SETD1A: variants seen among roughly 807,000 people sequenced by gnomAD.
The protein encoded by SETD1A is SET domain containing 1A, histone lysine methyltransferase.
SETD1A carries 29 observed loss-of-function variants against 149.9 expected under a neutral mutation model. The ratio of observed to expected loss-of-function variants is 0.19; its 90% CI spans 0.14 to 0.26. The LOEUF (loss-of-function observed/expected upper bound fraction) is 0.26. SETD1A is among the 10% of genes least tolerant of loss of function. The probability of loss-of-function intolerance (pLI) is 1.00; values close to 1 mark genes in which losing one functional copy is unlikely to be tolerated. For missense variants in SETD1A, 2,109 were observed against 2,353.1 expected (o/e 0.90, Z 2.15); for synonymous variants, 1,141 against 968.5 (o/e 1.18, Z -3.31).
chr16:30,959,284 T>C (rs1567348500), intron 3 of SETD1A, 98 bp downstream of exon 3: 4 of 848,848 alleles, frequency 4.7e-6, no homozygotes, highest in Middle Eastern at 2.2e-4. Context: ...AATGAAAGGA[T>C]CTCAGCCAGA....
Position 30,969,345 on chromosome 16 carries a change from G to A in SETD1A, c.2811G>A (p.Pro937=), listed in dbSNP as rs771266071. ...AGGAGGCTGGAGAGCCAGGACGTCC[G>A]GGGACCAAGCCCCCGAAGCGGGACG... ...QEKEAGEPGR[P]GTKPPKRDEE... Residue 937 remains proline (P), a synonymous_variant, in exon 11 of 19, where the codon CCG becomes CCA. Coordinates refer to ENST00000262519, the MANE Select transcript of SETD1A (RefSeq NM_014712.3). The A allele has an allele frequency of 7.4e-6, 12 of 1,614,070 alleles. No individual in the cohort carries two copies. The highest frequency in any genetic ancestry group is 2.2e-5 in the East Asian group (1 of 44,886).
In SETD1A at chr16:30,979,972, T is replaced by A. The variant is rs1446386668; in HGVS notation, c.4186T>A (p.Ser1396Thr). The part of the protein sequence containing the change: ...EGALRRRSLR[S>T]HARRRRPPPP... The stretch of plus-strand genomic sequence containing the variant: ...CGCCCTCCGGAGGCGCAGCCTCCGC[T>A]CCCACGCCCGGCGCCGCCGCCCTCC... Residue 1396 changes from serine to threonine, a missense_variant, in exon 14 of 19, where the codon TCC (serine) becomes ACC (threonine). Ser to Thr is a moderately conservative substitution (Grantham distance 58). This residue lies in a region of SETD1A where 832 missense variants were observed against 815.6 expected (regional missense o/e 1.02). Transcript: ENST00000262519. 3 of 1,517,004 alleles carry A rather than the reference T, an allele frequency of 2.0e-6. No individual in the cohort carries two copies. The highest frequency in any genetic ancestry group is 2.1e-5 in the Admixed American group (1 of 46,856). The allele number at this position is 1,517,004 out of a possible 1,614,324, so 94.0% of individuals were successfully genotyped here. A position where few individuals can be genotyped will look rare whatever the true frequency, so the allele number is the denominator to read the frequency against.
chr16:30,982,553 T>C (rs1596696106), intron 17 of SETD1A, among the ~76,000 whole-genome samples: 1 of 149,014 alleles, frequency 6.7e-6, no homozygotes, highest in Admixed American at 6.7e-5. Flanking sequence ...GACGTGTGGC[T>C]GGAGGGAACA....
At position 30,961,477 on chromosome 16, in the gene SETD1A, A is replaced by G; in HGVS notation, c.457A>G (p.Lys153Glu). 6.2e-7 allele frequency: 1 copy of G among 1,614,148 alleles called. No individual in the cohort carries two copies. The highest frequency in any genetic ancestry group is 8.5e-7 in the Non-Finnish European group (1 of 1,180,020). Reference sequence around the variant, plus strand: ...CACTCGGGGCGCCAAGGAAACGGTCAAAAACCTCCACCTTACCTCCGTCAT... The same window carrying G: ...CACTCGGGGCGCCAAGGAAACGGTCGAAAACCTCCACCTTACCTCCGTCAT... ...TSTRGAKETVKNLHLTSVMGN... is the reference protein window; with the variant it reads ...TSTRGAKETVENLHLTSVMGN... The change falls in exon 4 of 19, where the codon AAA (lysine) becomes GAA (glutamate). Residue 153 changes from lysine (K) to glutamate (E), a missense_variant. This residue lies in a region of SETD1A where 62 missense variants were observed against 149.5 expected (regional missense o/e 0.41). Transcript: ENST00000262519. The surrounding 1 kb of genome is among the most constrained non-coding windows in gnomAD (Gnocchi z 4.0).
chr16:30,960,723 T>A (rs1567349383), intron 3 of SETD1A, among the ~76,000 whole-genome samples: 1 of 138,520 alleles, frequency 7.2e-6, no homozygotes, highest in Non-Finnish European at 1.6e-5. Context: ...CATTTCTTTC[T>A]TTCTTTCTTT....
chr16:30,982,095 G>T (rs961908493), intron 17 of SETD1A, among the ~76,000 whole-genome samples: 3 of 152,198 alleles, frequency 2.0e-5, no homozygotes, highest in Non-Finnish European at 4.4e-5. Flanking sequence ...AAAGGAGCTC[G>T]CAGGCCCAGA....
Position 30,966,984 on chromosome 16 carries a change from G to A in SETD1A, c.2606G>A (p.Ser869Asn). 1 of 1,594,916 alleles carries A rather than the reference G, an allele frequency of 6.3e-7. No homozygotes were observed. Among genetic ancestry groups the A allele is most frequent in the Non-Finnish European group, 8.5e-7 (1 of 1,171,426 alleles). Reference sequence around the variant, plus strand: ...CTGTCCCTCGTGGACTGGGCCAAGAGCGGGGGCACTACGGGCATCGAGGCT... The same window carrying A: ...CTGTCCCTCGTGGACTGGGCCAAGAACGGGGGCACTACGGGCATCGAGGCT... Reference protein sequence around the residue: ...GLLSLVDWAKSGGTTGIEAFA... With the variant: ...GLLSLVDWAKNGGTTGIEAFA... The change falls in exon 9 of 19, where the codon AGC becomes AAC. Residue 869 changes from serine (S) to asparagine (N), a missense_variant. Ser to Asn is a conservative substitution (Grantham distance 46). This residue lies in a region of SETD1A where 832 missense variants were observed against 815.6 expected (regional missense o/e 1.02). Coordinates refer to ENST00000262519, the MANE Select transcript of SETD1A (RefSeq NM_014712.3).
chr16:30,972,539 G>A (rs370278146), intron 13 of SETD1A, among the ~76,000 whole-genome samples: 3 of 152,088 alleles, frequency 2.0e-5, no homozygotes, highest in Middle Eastern at 3.4e-3. Context: ...TCAGGAGGCT[G>A]AGGCAGGAGA....
Position 30,961,677 on chromosome 16 carries a change from T to C in SETD1A, c.517+140T>C. Reference sequence around the variant, plus strand: ...GTTGTGTTTCTGAAATCAGATCAGATTTTAGAGTGGAATTATGGTACATGG... The same window carrying C: ...GTTGTGTTTCTGAAATCAGATCAGACTTTAGAGTGGAATTATGGTACATGG... On this transcript the variant is annotated intron_variant, in intron 4 of 18. Transcript: ENST00000262519. This position sits in a 1 kb window ranked among gnomAD's most constrained non-coding sequence, Gnocchi z 4.0. The C allele has an allele frequency of 1.3e-6, 1 of 770,640 alleles. No individual in the cohort carries two copies. The highest frequency in any genetic ancestry group is 2.1e-6 in the Non-Finnish European group (1 of 482,114). The allele number at this position is 770,640 out of a possible 1,614,324, so 47.7% of individuals were successfully genotyped here.
Position 30,961,633 on chromosome 16 carries a change from T to A in SETD1A, c.517+96T>A. On this transcript the variant is annotated intron_variant, in intron 4 of 18. Transcript: ENST00000262519. This position sits in a 1 kb window ranked among gnomAD's most constrained non-coding sequence, Gnocchi z 4.0. ...GTCAGGCAGGCGCCCAGGGTCATGATCTGAAACTGCTGGGGCCAGTTGTGT... is the reference window on the plus strand; with the variant it reads ...GTCAGGCAGGCGCCCAGGGTCATGAACTGAAACTGCTGGGGCCAGTTGTGT... The A allele has an allele frequency of 8.9e-7, 1 of 1,117,366 alleles. No individual in the cohort carries two copies. The highest frequency in any genetic ancestry group is 1.3e-6 in the Non-Finnish European group (1 of 764,822). 69.2% of individuals were successfully genotyped at this position (1,117,366 alleles called of 1,614,324 possible).
chr16:30,979,800 C>T lies in SETD1A; in HGVS notation c.4014C>T (p.Ala1338=). The change falls in exon 14 of 19, where the codon GCC becomes GCT. Residue 1338 remains alanine, a synonymous_variant. Transcript: ENST00000262519. ...CCCCAGCTGATGAGGTCCTGGAGGC[C>T]CCCGAGGTGGTGGTGGCTGAGGCGG... ...FSSPADEVLE[A]PEVVVAEAEE... is the part of the protein sequence containing the mutation. 1.3e-6 allele frequency: 2 copies of T among 1,576,064 alleles called. No homozygotes were observed. Among genetic ancestry groups the T allele is most frequent in the South Asian group, 2.3e-5 (2 of 88,434 alleles).
At position 30,980,337 on chromosome 16, in the gene SETD1A, C is replaced by T. The variant is rs966739080; in HGVS notation, c.4408+143C>T. On this transcript the variant is annotated intron_variant, in intron 14 of 18. Transcript: ENST00000262519. The surrounding 1 kb of genome is among the most constrained non-coding windows in gnomAD (Gnocchi z 7.7). ...CCTCCTGGTGCCTCTTTTCTGCCTTCCAAAGCATTTCTGGCAGGAACGATG... is the reference window on the plus strand; with the variant it reads ...CCTCCTGGTGCCTCTTTTCTGCCTTTCAAAGCATTTCTGGCAGGAACGATG... The T allele has an allele frequency of 2.0e-4, 283 of 1,443,454 alleles. No individual in the cohort carries two copies. The highest frequency in any genetic ancestry group is 2.2e-4 in the Non-Finnish European group (241 of 1,077,094). The allele number at this position is 1,443,454 out of a possible 1,614,324, so 89.4% of individuals were successfully genotyped here. A position where few individuals can be genotyped will look rare whatever the true frequency, so the allele number is the denominator to read the frequency against.
At chr16:30,981,808 G>A (rs1483762655) in intron 17 of SETD1A, among the ~76,000 whole-genome samples, 3 of 152,256 alleles carry the variant, frequency 2.0e-5, no homozygotes, top group South Asian at 2.1e-4. Context: ...AAAGCTAGCC[G>A]GGCGTGGGGG....
intron 4 of SETD1A, among the ~76,000 whole-genome samples, chr16:30,963,087 G>T (rs1481666160): frequency 1.3e-5 from 2 of 152,240 alleles, no homozygotes; most frequent in Non-Finnish European, 2.9e-5. Context: ...CTCTGGGTTT[G>T]AATTCCAATT....
At chr16:30,977,107 C>T (rs554104637) in intron 13 of SETD1A, among the ~76,000 whole-genome samples, 27 of 152,228 alleles carry the variant, frequency 1.8e-4, no homozygotes, top group Admixed American at 6.5e-4. Flanking sequence ...CCATCACGCC[C>T]GCTAATTTTT....
intron 13 of SETD1A, among the ~76,000 whole-genome samples, chr16:30,977,060 G>T (rs1425873627): frequency 6.6e-6 from 1 of 152,064 alleles, no homozygotes; most frequent in Non-Finnish European, 1.5e-5. Context: ...TGATTCTCCT[G>T]CCTCAGCCTC....
intron 13 of SETD1A, among the ~76,000 whole-genome samples, chr16:30,973,476 A>G (rs909363324): frequency 1.3e-5 from 2 of 152,108 alleles, no homozygotes; most frequent in Non-Finnish European, 2.9e-5. Flanking sequence ...CAACATGGCG[A>G]AACCCCATCT....
At chr16:30,971,308 G>C in intron 12 of SETD1A, 70 bp from the exon 13 acceptor site, 1 of 1,465,394 alleles carries the variant, frequency 6.8e-7, no homozygotes, top group Non-Finnish European at 9.2e-7. Flanking sequence ...AGCAGGGAGT[G>C]AGTGAGGAGC....
Position 30,965,852 on chromosome 16 carries a change from T to C in SETD1A, c.1971T>C (p.Tyr657=). 1 of 1,513,788 alleles carries C rather than the reference T, an allele frequency of 6.6e-7. No individual in the cohort carries two copies. The highest frequency in any genetic ancestry group is 9.0e-7 in the Non-Finnish European group (1 of 1,112,958). 93.8% of individuals were successfully genotyped at this position (1,513,788 alleles called of 1,614,324 possible). The change falls in exon 8 of 19, where the codon TAT becomes TAC. Residue 657 remains tyrosine, a synonymous_variant. Transcript: ENST00000262519. ...CTCCTCCACCACCCCCGCACATCTA[T>C]GACTTTGTGAACTCCTTGGAGCTCA... The part of the protein sequence containing the change: ...PPPPPPPPHI[Y]DFVNSLELMD...
Sources: allele counts gnomAD v4.1 joint callset (sites outside exome capture counted in the v4.1 genomes callset), GRCh38; gene constraint gnomAD v4.1.1; regional missense constraint gnomAD v4.1.1; non-coding constraint Gnocchi (gnomAD v3.1); transcripts MANE v1.5; gene names NCBI Gene and HGNC (gene_info 2026-07-23, HGNC 2026-07-21).